The following REV1 variants were observed in gnomAD, a reference collection of about 807,000 sequenced individuals.
REV1 encodes REV1 DNA directed polymerase.
A neutral mutation model predicts 137.4 loss-of-function variants in REV1; 42 were observed. That is an observed-to-expected ratio of 0.31 (90% CI 0.24 to 0.40). REV1 has a LOEUF of 0.40. REV1 is among the 10% of genes least tolerant of loss of function. The pLI, the probability that REV1 is intolerant of heterozygous loss-of-function variation, is 1.00. For synonymous variants in REV1, 524 were observed against 519.2 expected (o/e 1.01, Z -0.12); for missense variants, 1,282 against 1,490.1 (o/e 0.86, Z 2.30).
chr2:99,423,078 A>G (rs955348648), intron 10 of REV1, among the ~76,000 whole-genome samples: 5 of 152,202 alleles, frequency 3.3e-5, no homozygotes, highest in African/African-American at 4.8e-5. Flanking sequence ...AATAGCTATA[A>G]TAAGTGTCTT....
At chr2:99,425,620 T>C (rs926921826) in intron 9 of REV1, among the ~76,000 whole-genome samples, 6 of 152,214 alleles carry the variant, frequency 3.9e-5, no homozygotes, top group Admixed American at 2.0e-4. Flanking sequence ...AGAAACTTTA[T>C]CAGAAAGCAG....
At chr2:99,424,753 A>C in intron 9 of REV1, 1 of 1,302,622 alleles carries the variant, frequency 7.7e-7, no homozygotes, top group South Asian at 1.2e-5. Flanking sequence ...CAAACAGACA[A>C]AATGTACTCA....
intron 1 of REV1, among the ~76,000 whole-genome samples, chr2:99,469,725 T>C (rs560283976): frequency 6.6e-6 from 1 of 152,366 alleles, no homozygotes; most frequent in South Asian, 2.1e-4. Context: ...TAATGTTTTA[T>C]CTTTTGCTGG....
intron 5 of REV1, 136 bp downstream of exon 5, chr2:99,442,181 G>A (rs1366572988): frequency 1.2e-5 from 9 of 721,042 alleles, no homozygotes; most frequent in Non-Finnish European, 1.9e-5. Flanking sequence ...GAACCTGGGA[G>A]GCAGAGGTTG....
At chr2:99,453,669 C>A (rs888083769) in intron 3 of REV1, among the ~76,000 whole-genome samples, 1 of 151,572 alleles carries the variant, frequency 6.6e-6, no homozygotes, top group Non-Finnish European at 1.5e-5. Flanking sequence ...CCAAGGCAGG[C>A]GGATCACAAG....
chr2:99,414,535 A>G (rs1429179821), intron 12 of REV1, among the ~76,000 whole-genome samples: 1 of 152,258 alleles, frequency 6.6e-6, no homozygotes, highest in Non-Finnish European at 1.5e-5. Flanking sequence ...GTGCTTTTCA[A>G]AATGGGGAGG....
chr2:99,438,014 A>C (rs1680979460), intron 6 of REV1, among the ~76,000 whole-genome samples: 1 of 152,182 alleles, frequency 6.6e-6, no homozygotes, highest in Non-Finnish European at 1.5e-5. Flanking sequence ...AAGGAACTAA[A>C]ATTTCAAACC....
chr2:99,485,078 C>T (rs891347888), intron 1 of REV1, among the ~76,000 whole-genome samples: 3 of 152,166 alleles, frequency 2.0e-5, no homozygotes, highest in Non-Finnish European at 2.9e-5. Flanking sequence ...AAAAAATTTA[C>T]ACCTAGGGTT....
chr2:99,466,389 C>T (rs1005639461), intron 1 of REV1, among the ~76,000 whole-genome samples: 2 of 152,086 alleles, frequency 1.3e-5, no homozygotes, highest in African/African-American at 2.4e-5. Flanking sequence ...ATTACAGGCA[C>T]CTGCCACCAT....
intron 8 of REV1, 33 bp from the exon 9 acceptor site, chr2:99,429,981 G>A: frequency 7.8e-7 from 1 of 1,284,718 alleles, no homozygotes; most frequent in Non-Finnish European, 1.1e-6. Context: ...ATGGTTATAT[G>A]TTATAAACTG....
chr2:99,438,845 T>C lies in REV1; in HGVS notation c.969A>G (p.Thr323=), dbSNP rs144951972. ...HHSTVQGPSS[T]KSTSSVSTFS... ...ACGTAGATACTGAAGAAGTGCTTTT[T>C]GTGCTTGAAGGCCCCTGAACAGTGG... is the stretch of plus-strand genomic sequence containing the variant. The change falls in exon 6 of 23, where the codon ACA becomes ACG. Residue 323 remains threonine (T), a synonymous_variant. Coordinates refer to ENST00000258428, the MANE Select transcript of REV1 (RefSeq NM_016316.4). The C allele has an allele frequency of 4.1e-5, 66 of 1,614,126 alleles. No homozygotes were observed. In the African/African-American group the frequency reaches 8.8e-4, roughly 22 times the overall value.
In REV1 at chr2:99,408,018, T is replaced by C. The variant is rs1422749427; in HGVS notation, c.2448+11A>G. 1 of 1,482,666 alleles carries C rather than the reference T, an allele frequency of 6.7e-7. No homozygotes were observed. Among genetic ancestry groups the C allele is most frequent in the African/African-American group, 1.4e-5 (1 of 71,180 alleles). The allele number at this position is 1,482,666 out of a possible 1,614,324, so 91.8% of individuals were successfully genotyped here. ...ACAAAGTCAGAATTTACAATGTTAC[T>C]ATATACTTACCCCTCTCATATCTGA... On this transcript the variant is annotated intron_variant, in intron 15 of 22. Coordinates refer to ENST00000258428, the MANE Select transcript of REV1 (RefSeq NM_016316.4).
At chr2:99,404,910 C>T (rs564419220) in intron 17 of REV1, among the ~76,000 whole-genome samples, 2 of 152,220 alleles carry the variant, frequency 1.3e-5, no homozygotes, top group South Asian at 4.2e-4. Context: ...TGTATATATA[C>T]TACCAGCCAC....
chr2:99,482,413 G>T (rs1233735258), intron 1 of REV1, among the ~76,000 whole-genome samples: 1 of 152,190 alleles, frequency 6.6e-6, no homozygotes, highest in African/African-American at 2.4e-5. Flanking sequence ...CAAACGTGAG[G>T]TGTAGTGGGA....
rs60839666 is a variant in REV1, at chr2:99,479,326, C to CAAAAA, written c.-11+10486_-11+10490dup. 1.8e-4 allele frequency among the ~76,000 whole-genome samples: 17 copies of CAAAAA among 96,854 alleles called. No individual in the cohort carries two copies. In the South Asian group the frequency reaches 5.0e-3, roughly 28 times the overall value. 63.5% of individuals were successfully genotyped at this position (96,854 alleles called of 152,430 possible). ...TGGGTGACAGAGCGAGACTCTGTCT[C>CAAAAA]AAAAAAAAAAAAAAAAAACAAAAAG... On this transcript the variant is annotated intron_variant, in intron 1 of 22. Transcript: ENST00000258428.
Position 99,433,799 on chromosome 2 carries a change from A to G in REV1, c.1438+533T>C, listed in dbSNP as rs577226643. On this transcript the variant is annotated intron_variant, in intron 8 of 22. Transcript: ENST00000258428. Reference sequence around the variant, plus strand: ...AAGCAATAGACACATGAAAATCTTAATAAGTATTATGACTAGTACAACTTA... The same window carrying G: ...AAGCAATAGACACATGAAAATCTTAGTAAGTATTATGACTAGTACAACTTA... Among the ~76,000 whole-genome samples, 7 of 152,364 alleles carry G rather than the reference A, an allele frequency of 4.6e-5. No individual in the cohort carries two copies. The South Asian group carries it at 6.2e-4, about 14-fold the overall frequency.
intron 1 of REV1, among the ~76,000 whole-genome samples, chr2:99,483,784 A>C (rs1430634443): frequency 6.6e-6 from 1 of 152,028 alleles, no homozygotes; most frequent in African/African-American, 2.4e-5. Flanking sequence ...TTGGTGTAGC[A>C]GGGGGAAAAA....
chr2:99,481,191 T>C (rs1239263809), intron 1 of REV1, among the ~76,000 whole-genome samples: 1 of 152,212 alleles, frequency 6.6e-6, no homozygotes, highest in Non-Finnish European at 1.5e-5. Flanking sequence ...TCATAATTTC[T>C]TCTTCCAAAT....
At chr2:99,485,881 T>A (rs1025889443) in intron 1 of REV1, among the ~76,000 whole-genome samples, 7 of 49,820 alleles carry the variant, frequency 1.4e-4, no homozygotes, top group African/African-American at 4.7e-4. Flanking sequence ...TTTGGGAGGA[T>A]GAGGCAGGAG....
Sources: gnomAD v4.1 joint callset for allele counts (sites outside exome capture counted in the v4.1 genomes callset) on GRCh38, gnomAD v4.1.1 for gene constraint, MANE v1.5 for transcripts, NCBI Gene and HGNC (gene_info 2026-07-23, HGNC 2026-07-21) for gene names.